The following SGCZ variants were observed in gnomAD, a reference collection of about 807,000 sequenced individuals.
SGCZ encodes the protein zeta-sarcoglycan.
In SGCZ, 40 loss-of-function variants were observed where a neutral mutation model predicts 41.3. The observed-to-expected ratio is 0.97, with a 90% confidence interval of 0.75 to 1.26. SGCZ has a LOEUF of 1.26. SGCZ is among the 50% of genes most tolerant of loss of function. The pLI is 0.00. For missense variants in SGCZ, 552 were observed against 369.8 expected (o/e 1.49, Z -4.04); for synonymous variants, 206 against 137.5 (o/e 1.50, Z -3.49).
intron 4 of SGCZ, among the ~76,000 whole-genome samples, chr8:14,218,219 C>G (rs1453280567): frequency 6.6e-6 from 1 of 152,088 alleles, no homozygotes; most frequent in Non-Finnish European, 1.5e-5. Flanking sequence ...AAAGAACATA[C>G]AAATTATTAA....
At chr8:15,108,192 CTTAAT>C (rs899790501) in intron 1 of SGCZ, among the ~76,000 whole-genome samples, 4 of 152,070 alleles carry the variant, frequency 2.6e-5, no homozygotes, top group African/African-American at 9.7e-5. Context: ...CTTTTAATAA[CTTAAT>C]TTAAAATTTT....
At chr8:14,370,733 G>C (rs955258295) in intron 2 of SGCZ, among the ~76,000 whole-genome samples, 6 of 151,758 alleles carry the variant, frequency 4.0e-5, no homozygotes, top group Non-Finnish European at 8.8e-5. Context: ...TGTCTAATGA[G>C]TAAGCAGGAT....
intron 1 of SGCZ, among the ~76,000 whole-genome samples, chr8:14,853,133 G>C (rs777085734): frequency 2.6e-5 from 4 of 152,134 alleles, no homozygotes; most frequent in Admixed American, 6.6e-5. Context: ...TATAAAACTT[G>C]TACTATTTGC....
At chr8:15,150,073 A>G (rs1799136836) in intron 1 of SGCZ, among the ~76,000 whole-genome samples, 1 of 111,316 alleles carries the variant, frequency 9.0e-6, no homozygotes, top group African/African-American at 3.0e-5. Flanking sequence ...ATTATGAAAA[A>G]GTCTGAAAGG....
intron 1 of SGCZ, among the ~76,000 whole-genome samples, chr8:15,187,068 G>C (rs550888737): frequency 6.6e-6 from 1 of 152,178 alleles, no homozygotes; most frequent in East Asian, 1.9e-4. Context: ...CAGCCAACAA[G>C]AAGTTTTAAA....
At chr8:14,451,704 C>G (rs927644987) in intron 2 of SGCZ, among the ~76,000 whole-genome samples, 2 of 152,192 alleles carry the variant, frequency 1.3e-5, no homozygotes. Context: ...ACATTGCACA[C>G]TGCATGATAT....
intron 1 of SGCZ, among the ~76,000 whole-genome samples, chr8:15,152,897 G>C (rs1245323439): frequency 6.6e-6 from 1 of 152,154 alleles, no homozygotes; most frequent in African/African-American, 2.4e-5. Flanking sequence ...ATAGCAGATG[G>C]TGTCAACAAC....
chr8:14,102,872 A>G (rs774619483), intron 6 of SGCZ, among the ~76,000 whole-genome samples: 2 of 152,198 alleles, frequency 1.3e-5, no homozygotes, highest in African/African-American at 4.8e-5. Context: ...ACTTACTAGT[A>G]TTAATGATGG....
At chr8:14,833,293 G>A (rs1156416247) in intron 1 of SGCZ, among the ~76,000 whole-genome samples, 1 of 152,062 alleles carries the variant, frequency 6.6e-6, no homozygotes, top group Non-Finnish European at 1.5e-5. Context: ...AGTCATATGT[G>A]AGTAAAATGG....
At chr8:14,242,041 T>C (rs1045557339) in intron 3 of SGCZ, among the ~76,000 whole-genome samples, 1 of 152,216 alleles carries the variant, frequency 6.6e-6, no homozygotes, top group African/African-American at 2.4e-5. Context: ...CAGACTTCTT[T>C]ATTTTCTGGA....
intron 1 of SGCZ, among the ~76,000 whole-genome samples, chr8:14,986,008 G>A (rs535055094): frequency 2.8e-4 from 42 of 152,134 alleles, no homozygotes; most frequent in African/African-American, 9.9e-4. Flanking sequence ...TTAAATATGA[G>A]CAATATGTAC....
intron 1 of SGCZ, among the ~76,000 whole-genome samples, chr8:14,861,077 A>C (rs1803731281): frequency 6.6e-6 from 1 of 152,186 alleles, no homozygotes; most frequent in Non-Finnish European, 1.5e-5. Context: ...AGAGTTGAGA[A>C]ACACTTGATG....
At chr8:14,998,776 T>C (rs1585454557) in intron 1 of SGCZ, among the ~76,000 whole-genome samples, 3 of 152,352 alleles carry the variant, frequency 2.0e-5, no homozygotes, top group Admixed American at 6.5e-5. Context: ...AGTGGTTTTC[T>C]GCTGAAACTC....
intron 1 of SGCZ, among the ~76,000 whole-genome samples, chr8:14,698,660 T>C (rs1809040603): frequency 6.6e-6 from 1 of 152,074 alleles, no homozygotes; most frequent in East Asian, 1.9e-4. Flanking sequence ...TATTATATCC[T>C]AATCTCTAAA....
At chr8:14,132,480 T>C (rs1236648464) in intron 5 of SGCZ, among the ~76,000 whole-genome samples, 1 of 152,222 alleles carries the variant, frequency 6.6e-6, no homozygotes, top group Non-Finnish European at 1.5e-5. Context: ...TAATTTCTTG[T>C]ATATCGTTAC....
At chr8:15,118,575 C>A (rs1390052556) in intron 1 of SGCZ, among the ~76,000 whole-genome samples, 1 of 152,086 alleles carries the variant, frequency 6.6e-6, no homozygotes, top group Non-Finnish European at 1.5e-5. Flanking sequence ...AGAAAAACGT[C>A]AAATATAAGC....
At chr8:14,577,061 T>A (rs900246225) in intron 1 of SGCZ, among the ~76,000 whole-genome samples, 2 of 152,220 alleles carry the variant, frequency 1.3e-5, no homozygotes, top group African/African-American at 4.8e-5. Flanking sequence ...GATCTTTCAA[T>A]TGCCAAAAGG....
chr8:14,172,188 A>G (rs892110514), intron 4 of SGCZ, among the ~76,000 whole-genome samples: 1 of 152,156 alleles, frequency 6.6e-6, no homozygotes, highest in African/African-American at 2.4e-5. Flanking sequence ...TCCACACAAC[A>G]AAGACTTATT....
chr8:14,956,945 C>G (rs545192825), intron 1 of SGCZ, among the ~76,000 whole-genome samples: 28 of 152,114 alleles, frequency 1.8e-4, no homozygotes, highest in African/African-American at 6.0e-4. Flanking sequence ...AAACTTGGCT[C>G]TGTGTGTATA....
Sources: allele counts gnomAD v4.1 joint callset (sites outside exome capture counted in the v4.1 genomes callset), GRCh38; gene constraint gnomAD v4.1.1; transcripts MANE v1.5; gene names NCBI Gene and HGNC (gene_info 2026-07-23, HGNC 2026-07-21).